The following GNB4 variants were observed in gnomAD, a reference collection of about 807,000 sequenced individuals.
GNB4 encodes the protein G protein subunit beta 4.
A neutral mutation model predicts 45.2 loss-of-function variants in GNB4; 28 were observed. The ratio of observed to expected loss-of-function variants is 0.62; its 90% CI spans 0.46 to 0.85. GNB4 has a LOEUF of 0.85. GNB4 is among the 40% of genes least tolerant of loss of function. The pLI is 0.00. For missense variants in GNB4, 321 were observed against 425.4 expected (o/e 0.75, Z 2.16); for synonymous variants, 132 against 143.7 (o/e 0.92, Z 0.58).
chr3:179,472,972 G>C, the GNB4 span, among the ~76,000 whole-genome samples: 1 of 152,122 alleles, frequency 6.6e-6, no homozygotes, highest in Non-Finnish European at 1.5e-5. Flanking sequence ...GACCATCCTG[G>C]CTAACACAGT....
chr3:179,525,603 TGTG>T, the GNB4 span, among the ~76,000 whole-genome samples: 2 of 152,102 alleles, frequency 1.3e-5, no homozygotes, highest in Admixed American at 1.3e-4. Flanking sequence ...ACCAGTGAAA[TGTG>T]GGTGAATAAT....
chr3:179,524,948 G>A, the GNB4 span, among the ~76,000 whole-genome samples: 1 of 152,158 alleles, frequency 6.6e-6, no homozygotes, highest in African/African-American at 2.4e-5. Context: ...GGGTATGGGA[G>A]TGGAGGCTGA....
intron 1 of GNB4, among the ~76,000 whole-genome samples, chr3:179,440,041 G>A (rs1715557675): frequency 6.6e-6 from 1 of 152,142 alleles, no homozygotes; most frequent in Non-Finnish European, 1.5e-5. Flanking sequence ...TCTAAAGAAT[G>A]GCTTCAGAAA....
the GNB4 span, among the ~76,000 whole-genome samples, chr3:179,509,318 T>C: frequency 6.6e-6 from 1 of 152,106 alleles, no homozygotes; most frequent in African/African-American, 2.4e-5. Context: ...CCAAAGAGAT[T>C]AATTTGTAAA....
chr3:179,517,858 C>G, the GNB4 span, among the ~76,000 whole-genome samples: 5 of 152,130 alleles, frequency 3.3e-5, no homozygotes, highest in Non-Finnish European at 7.4e-5. Context: ...CGCAGGGACG[C>G]CTGCCTGATT....
chr3:179,487,102 C>T, the GNB4 span, among the ~76,000 whole-genome samples: 223 of 152,220 alleles, frequency 1.5e-3, no homozygotes, highest in Non-Finnish European at 2.3e-3. Context: ...CTAACCAAGT[C>T]CATTTTAAAT....
At chr3:179,498,500 G>A in the GNB4 span, among the ~76,000 whole-genome samples, 883 of 152,234 alleles carry the variant, frequency 5.8e-3, 12 homozygotes, top group African/African-American at 0.02. Context: ...GCAGTGGCGC[G>A]ATCTCGGCTC....
the GNB4 span, among the ~76,000 whole-genome samples, chr3:179,475,561 C>T: frequency 1.6e-4 from 24 of 152,096 alleles, no homozygotes; most frequent in African/African-American, 4.8e-4. Flanking sequence ...CAATCTCTGC[C>T]TCCTGGGTTC....
chr3:179,520,722 C>T, the GNB4 span, among the ~76,000 whole-genome samples: 326 of 152,292 alleles, frequency 2.1e-3, 5 homozygotes, highest in South Asian at 0.062. Flanking sequence ...CGGCCTCCCA[C>T]ATTATTCCTG....
At chr3:179,471,056 G>A in the GNB4 span, among the ~76,000 whole-genome samples, 3 of 151,930 alleles carry the variant, frequency 2.0e-5, no homozygotes, top group East Asian at 3.9e-4. Flanking sequence ...GTGGGTGCCT[G>A]TAGTCCCAGC....
the GNB4 span, among the ~76,000 whole-genome samples, chr3:179,456,700 C>T: frequency 1.3e-5 from 2 of 152,150 alleles, no homozygotes; most frequent in East Asian, 3.9e-4. Flanking sequence ...TCATACTATC[C>T]ATTTACAGCC....
intron 9 of GNB4, among the ~76,000 whole-genome samples, chr3:179,404,331 T>C (rs1432231319): frequency 6.6e-6 from 1 of 152,144 alleles, no homozygotes; most frequent in Non-Finnish European, 1.5e-5. Flanking sequence ...ACCCTTCTCA[T>C]CCATGATAAT....
the GNB4 span, among the ~76,000 whole-genome samples, chr3:179,523,523 TG>T: frequency 6.6e-6 from 1 of 152,304 alleles, no homozygotes; most frequent in African/African-American, 2.4e-5. Context: ...TGATAAAGTG[TG>T]GATCCTGAAC....
chr3:179,408,673 T>A (rs911831875), intron 8 of GNB4, among the ~76,000 whole-genome samples: 6 of 151,802 alleles, frequency 4.0e-5, no homozygotes, highest in Admixed American at 2.0e-4. Flanking sequence ...GCACCTGTAG[T>A]CCCAGCTACT....
chr3:179,417,350 A>C (rs1714829083), intron 4 of GNB4, among the ~76,000 whole-genome samples: 1 of 152,202 alleles, frequency 6.6e-6, no homozygotes, highest in Non-Finnish European at 1.5e-5. Flanking sequence ...AAGCTTTGTT[A>C]AACTAAAGAG....
At chr3:179,409,051 GC>G (rs1038629243) in intron 8 of GNB4, among the ~76,000 whole-genome samples, 1 of 149,544 alleles carries the variant, frequency 6.7e-6, no homozygotes, top group Non-Finnish European at 1.5e-5. Context: ...AGCTACTTGG[GC>G]CCAGGGAAGT....
the GNB4 span, among the ~76,000 whole-genome samples, chr3:179,518,092 C>A: frequency 5.2e-4 from 79 of 152,192 alleles, no homozygotes; most frequent in East Asian, 2.9e-3. Context: ...CTATGGGCAA[C>A]CTTCCACCCT....
intron 6 of GNB4, 129 bp from the exon 7 acceptor site, chr3:179,413,910 G>C: frequency 1.4e-6 from 1 of 698,534 alleles, no homozygotes; most frequent in Non-Finnish European, 2.4e-6. Flanking sequence ...ATAGTCTATA[G>C]TTCTACTTTT....
the GNB4 span, among the ~76,000 whole-genome samples, chr3:179,514,893 G>C: frequency 6.6e-6 from 1 of 152,174 alleles, no homozygotes; most frequent in Non-Finnish European, 1.5e-5. Context: ...TTTTGGTTTA[G>C]AACATTTCTT....
Sources: gnomAD v4.1 joint callset for allele counts (sites outside exome capture counted in the v4.1 genomes callset) on GRCh38, gnomAD v4.1.1 for gene constraint, MANE v1.5 for transcripts, NCBI Gene and HGNC (gene_info 2026-07-23, HGNC 2026-07-21) for gene names.